Variants in RPH3A observed in about 807,000 individuals in gnomAD.
RPH3A encodes rabphilin 3A.
A neutral mutation model predicts 102.2 loss-of-function variants in RPH3A; 48 were observed. The observed-to-expected ratio is 0.47, with a 90% CI of 0.37 to 0.60. The LOEUF is 0.60. RPH3A is among the 20% of genes least tolerant of loss of function. RPH3A has a pLI of 0.00. For missense variants in RPH3A, 781 were observed against 910.1 expected, an observed-to-expected ratio of 0.86 and a Z score of 1.83; for synonymous variants, 310 against 324.3, an observed-to-expected ratio of 0.96 and a Z score of 0.47.
chr12:112,825,236 T>A (rs2041846964), intron 2 of RPH3A, among the ~76,000 whole-genome samples: 1 of 152,216 alleles, frequency 6.6e-6, no homozygotes, highest in Non-Finnish European at 1.5e-5. Context: ...GAAATGCCCA[T>A]ATTAATCTGG....
chr12:112,575,629 C>T (rs2039353295), intron 1 of RPH3A, among the ~76,000 whole-genome samples: 1 of 151,936 alleles, frequency 6.6e-6, no homozygotes, highest in Non-Finnish European at 1.5e-5. Context: ...GGGGTGGCTG[C>T]GGCGAAGGTA....
chr12:112,720,895 G>A (rs1301225058), intron 1 of RPH3A, among the ~76,000 whole-genome samples: 1 of 152,222 alleles, frequency 6.6e-6, no homozygotes, highest in African/African-American at 2.4e-5. Context: ...AGGAAAGGAT[G>A]AAGAATTGGA....
chr12:112,586,031 T>C (rs1308656349), intron 1 of RPH3A, among the ~76,000 whole-genome samples: 1 of 152,152 alleles, frequency 6.6e-6, no homozygotes, highest in African/African-American at 2.4e-5. Context: ...CTGATCCATA[T>C]GATTACTTTT....
intron 1 of RPH3A, among the ~76,000 whole-genome samples, chr12:112,733,238 T>C (rs113127728): frequency 6.6e-6 from 1 of 152,010 alleles, no homozygotes; most frequent in Non-Finnish European, 1.5e-5. Context: ...TATACACACA[T>C]CTGAACAAAT....
intron 4 of RPH3A, among the ~76,000 whole-genome samples, chr12:112,840,088 A>C (rs1809560752): frequency 6.6e-6 from 1 of 152,242 alleles, no homozygotes. Flanking sequence ...GTGAAATATT[A>C]GGGACATCCT....
intron 2 of RPH3A, among the ~76,000 whole-genome samples, chr12:112,806,446 C>T (rs556260013): frequency 6.6e-6 from 1 of 152,096 alleles, no homozygotes; most frequent in East Asian, 1.9e-4. Context: ...ACCAGTTTGG[C>T]CAACACGGTG....
intron 1 of RPH3A, among the ~76,000 whole-genome samples, chr12:112,670,824 C>T (rs1301015487): frequency 1.3e-5 from 2 of 152,174 alleles, no homozygotes; most frequent in Non-Finnish European, 2.9e-5. Flanking sequence ...TGGGGTTGCA[C>T]ACCATCACTT....
chr12:112,875,332 G>A (rs2042776913), intron 11 of RPH3A, among the ~76,000 whole-genome samples, 162 bp downstream of exon 11: 1 of 152,106 alleles, frequency 6.6e-6, no homozygotes, highest in Admixed American at 6.5e-5. Context: ...AATTCCCTGG[G>A]CCAAGAAGCT....
intron 1 of RPH3A, among the ~76,000 whole-genome samples, chr12:112,748,791 A>T (rs2040765103): frequency 6.6e-6 from 1 of 152,208 alleles, no homozygotes; most frequent in African/African-American, 2.4e-5. Flanking sequence ...GAATGACCAG[A>T]TGTGCCACCA....
intron 17 of RPH3A, among the ~76,000 whole-genome samples, chr12:112,889,204 A>C (rs545306110): frequency 6.6e-6 from 1 of 152,356 alleles, no homozygotes; most frequent in African/African-American, 2.4e-5. Context: ...CATCCCTAGG[A>C]ATGAGGCCCT....
intron 1 of RPH3A, among the ~76,000 whole-genome samples, chr12:112,728,989 C>G (rs1321927582): frequency 6.6e-6 from 1 of 152,028 alleles, no homozygotes; most frequent in Non-Finnish European, 1.5e-5. Flanking sequence ...TAGTGATTGT[C>G]AACTGTCATG....
chr12:112,660,621 G>A (rs1202801346), intron 1 of RPH3A, among the ~76,000 whole-genome samples: 1 of 152,124 alleles, frequency 6.6e-6, no homozygotes, highest in Non-Finnish European at 1.5e-5. Flanking sequence ...GCAGTTTGAG[G>A]CTATACTGAG....
In RPH3A at chr12:112,591,952, T is replaced by C. The variant is rs569445213; in HGVS notation, c.-140+16633T>C. On this transcript the variant is annotated intron_variant, in intron 1 of 21. Transcript: ENST00000543106. The stretch of plus-strand genomic sequence containing the variant: ...CCCCTTGGATACCAAAACCTGTGGG[T>C]TCTCAAGTCGCTGACATAGAATGGT... Among the ~76,000 whole-genome samples, 7 of 152,274 alleles carry C rather than the reference T, an allele frequency of 4.6e-5. No individual in the cohort carries two copies. The East Asian group carries it at 1.2e-3, about 25-fold the overall frequency.
At chr12:112,890,120 G>A (rs928107099) in intron 18 of RPH3A, 40 bp downstream of exon 18, 1 of 1,575,582 alleles carries the variant, frequency 6.3e-7, no homozygotes, top group Non-Finnish European at 8.7e-7. Flanking sequence ...GTCAGGGTCT[G>A]TACTGGGCTA....
intron 1 of RPH3A, among the ~76,000 whole-genome samples, chr12:112,763,262 T>C (rs2040866664): frequency 6.6e-6 from 1 of 152,264 alleles, no homozygotes; most frequent in African/African-American, 2.4e-5. Flanking sequence ...AATGTGTCCA[T>C]GACAAGAGTC....
intron 4 of RPH3A, among the ~76,000 whole-genome samples, chr12:112,843,488 G>A (rs890969167): frequency 3.3e-5 from 5 of 152,172 alleles, no homozygotes; most frequent in Admixed American, 1.3e-4. Context: ...TATCCTAGGC[G>A]GGGCCTCTCG....
At chr12:112,682,510 T>C (rs2040234614) in intron 1 of RPH3A, among the ~76,000 whole-genome samples, 1 of 152,170 alleles carries the variant, frequency 6.6e-6, no homozygotes, top group African/African-American at 2.4e-5. Context: ...CTGGGTATCC[T>C]TTAACCCAGT....
chr12:112,667,701 AGAGAGAGAGAG>A (rs2040096777), intron 1 of RPH3A, among the ~76,000 whole-genome samples: 1 of 145,610 alleles, frequency 6.9e-6, no homozygotes, highest in African/African-American at 2.5e-5. Context: ...AGAGAGAGAG[AGAGAGAGAGAG>A]AGAGAGAGAA....
chr12:112,658,831 G>C (rs2040030992), intron 1 of RPH3A, among the ~76,000 whole-genome samples: 1 of 152,166 alleles, frequency 6.6e-6, no homozygotes, highest in Non-Finnish European at 1.5e-5. Flanking sequence ...TTGGACTGGT[G>C]CCCAGATTGC....
Sources: gnomAD v4.1 joint callset for allele counts (sites outside exome capture counted in the v4.1 genomes callset) on GRCh38, gnomAD v4.1.1 for gene constraint, MANE v1.5 for transcripts, NCBI Gene and HGNC (gene_info 2026-07-23, HGNC 2026-07-21) for gene names.